Variants in TMEM116 observed in about 807,000 individuals in gnomAD.
TMEM116 encodes transmembrane protein 116.
A neutral mutation model predicts 44.3 loss-of-function variants in TMEM116; 38 were observed. The observed-to-expected ratio is 0.86, with a 90% CI of 0.66 to 1.12. The LOEUF is 1.12. Among genes scored for constraint, TMEM116 ranks in the 50% most tolerant of loss-of-function variants. The pLI is 0.00. For synonymous variants in TMEM116, 132 were observed against 144.8 expected (o/e 0.91, Z 0.64); for missense variants, 354 against 401.7 (o/e 0.88, Z 1.01).
At chr12:111,943,003 G>C (rs2072987981) in intron 5 of TMEM116, among the ~76,000 whole-genome samples, 1 of 151,762 alleles carries the variant, frequency 6.6e-6, no homozygotes, top group Admixed American at 6.6e-5. Flanking sequence ...TGTCACCCAG[G>C]CTGGGGTACA....
intron 4 of TMEM116, among the ~76,000 whole-genome samples, chr12:111,958,364 T>C (rs866382207): frequency 5.0e-5 from 6 of 120,472 alleles, no homozygotes; most frequent in Non-Finnish European, 6.9e-5. Flanking sequence ...AGACCAAAGG[T>C]AGATAAATTC....
chr12:111,936,565 G>T, intron 8 of TMEM116, 127 bp downstream of exon 8: 2 of 984,548 alleles, frequency 2.0e-6, no homozygotes, highest in Non-Finnish European at 1.5e-6. Context: ...AGATCTCCTA[G>T]CTACTTTCTT....
At chr12:111,984,526 AC>A (rs1473999398) in intron 4 of TMEM116, among the ~76,000 whole-genome samples, 1 of 152,094 alleles carries the variant, frequency 6.6e-6, no homozygotes, top group African/African-American at 2.4e-5. Context: ...AATAAATAAG[AC>A]CTACTATTTG....
intron 4 of TMEM116, among the ~76,000 whole-genome samples, chr12:111,989,718 A>C (rs980486456): frequency 6.6e-6 from 1 of 152,268 alleles, no homozygotes; most frequent in Non-Finnish European, 1.5e-5. Context: ...ACACCAGCCT[A>C]GAAATGAGCC....
chr12:112,007,788 T>C (rs770766532), intron 1 of TMEM116, among the ~76,000 whole-genome samples: 3 of 152,244 alleles, frequency 2.0e-5, no homozygotes, highest in Non-Finnish European at 4.4e-5. Flanking sequence ...GCTAGGATAA[T>C]CAATGATGAA....
chr12:111,932,513 C>T, intron 10 of TMEM116, 73 bp downstream of exon 10: 1 of 1,273,348 alleles, frequency 7.9e-7, no homozygotes, highest in Non-Finnish European at 1.1e-6. Context: ...ATCATCCTTA[C>T]CGAGTAAAGG....
chr12:111,948,378 A>G (rs765029032), intron 4 of TMEM116, among the ~76,000 whole-genome samples: 2 of 152,216 alleles, frequency 1.3e-5, no homozygotes, highest in Non-Finnish European at 2.9e-5. Context: ...CATTCTAAAC[A>G]AAGGGCTAGA....
At chr12:111,957,191 C>T (rs1475130258) in intron 4 of TMEM116, among the ~76,000 whole-genome samples, 1 of 151,862 alleles carries the variant, frequency 6.6e-6, no homozygotes, top group Non-Finnish European at 1.5e-5. Context: ...AGGAGTGTCT[C>T]TGCCTGGCCG....
intron 1 of TMEM116, among the ~76,000 whole-genome samples, chr12:112,008,975 CAA>C (rs762535414): frequency 3.4e-4 from 23 of 67,662 alleles, no homozygotes; most frequent in Non-Finnish European, 3.1e-4. Context: ...AACTCCATTT[CAA>C]AAAAAAAAAA....
At chr12:111,996,814 T>C (rs2076952553) in intron 3 of TMEM116, among the ~76,000 whole-genome samples, 1 of 152,246 alleles carries the variant, frequency 6.6e-6, no homozygotes, top group African/African-American at 2.4e-5. Context: ...AATTTTAGTA[T>C]ATTCATACTA....
At chr12:111,965,761 T>A in intron 4 of TMEM116, 3 of 331,632 alleles carry the variant, frequency 9.0e-6, no homozygotes, top group South Asian at 2.3e-5. Context: ...CCGTCTCCCC[T>A]AAAAAAAAAA....
At chr12:111,949,474 T>TTAA (rs1202039601) in intron 4 of TMEM116, among the ~76,000 whole-genome samples, 19 of 152,336 alleles carry the variant, frequency 1.2e-4, no homozygotes, top group African/African-American at 4.6e-4. Flanking sequence ...CTTCCTAGAC[T>TTAA]TAAGAACTTT....
intron 3 of TMEM116, among the ~76,000 whole-genome samples, chr12:112,000,361 T>A (rs540930208): frequency 2.0e-5 from 3 of 152,228 alleles, no homozygotes; most frequent in East Asian, 1.9e-4. Context: ...CAAAACTTTT[T>A]AAAAAAATTC....
chr12:112,003,833 A>G lies in TMEM116; in HGVS notation c.45T>C (p.Tyr15=). Residue 15 remains tyrosine (Y), a synonymous_variant, in exon 3 of 11, where the codon TAT becomes TAC. Transcript: ENST00000552374. ...ATTTCTGTATATTATGGAATACAGC[A>G]TAGGCAATAAGTGAACTTGAACCTA... ...SVIGSSSLIA[Y]AVFHNIQKSP... The G allele has an allele frequency of 6.6e-7, 1 of 1,516,640 alleles. No homozygotes were observed. The highest frequency in any genetic ancestry group is 8.8e-7 in the Non-Finnish European group (1 of 1,140,972). The allele number at this position is 1,516,640 out of a possible 1,614,324, so 93.9% of individuals were successfully genotyped here. A position where few individuals can be genotyped will look rare whatever the true frequency, so the allele number is the denominator to read the frequency against.
chr12:111,955,547 G>A (rs1346646211), intron 4 of TMEM116, among the ~76,000 whole-genome samples: 1 of 152,212 alleles, frequency 6.6e-6, no homozygotes, highest in African/African-American at 2.4e-5. Flanking sequence ...AGATGCTGTA[G>A]TGCAGACAAA....
At chr12:112,005,524 A>AT in intron 1 of TMEM116, 3 of 482,720 alleles carry the variant, frequency 6.2e-6, no homozygotes, top group Non-Finnish European at 9.1e-6. Flanking sequence ...AAATAGTATG[A>AT]TTTTTTAAAA....
At chr12:111,998,292 T>C (rs1319156500) in intron 3 of TMEM116, among the ~76,000 whole-genome samples, 1 of 152,226 alleles carries the variant, frequency 6.6e-6, no homozygotes, top group African/African-American at 2.4e-5. Flanking sequence ...CAAACTGGTC[T>C]CAGGGTTACA....
intron 4 of TMEM116, among the ~76,000 whole-genome samples, chr12:111,981,868 C>G (rs953088112): frequency 6.6e-6 from 1 of 152,130 alleles, no homozygotes. Context: ...GGAAGAAAAT[C>G]TTGTCATTTG....
intron 4 of TMEM116, among the ~76,000 whole-genome samples, chr12:111,978,508 ATGTT>A (rs2075784997): frequency 6.6e-6 from 1 of 152,188 alleles, no homozygotes; most frequent in Non-Finnish European, 1.5e-5. Flanking sequence ...TATGGACTGA[ATGTT>A]TGTGTCCCTC....
Sources: gnomAD v4.1 joint callset for allele counts (sites outside exome capture counted in the v4.1 genomes callset) on GRCh38, gnomAD v4.1.1 for gene constraint, MANE v1.5 for transcripts, NCBI Gene and HGNC (gene_info 2026-07-23, HGNC 2026-07-21) for gene names.